MACROD2: variants seen among roughly 807,000 people sequenced by gnomAD.
MACROD2 encodes the protein mono-ADP ribosylhydrolase 2, also known as ADP-ribose glycohydrolase MACROD2.
In MACROD2, 36 loss-of-function variants were observed where a neutral mutation model predicts 70.4. The ratio of observed to expected loss-of-function variants is 0.51; its 90% CI spans 0.39 to 0.68. MACROD2 has a LOEUF of 0.68. Among genes scored for constraint, MACROD2 ranks in the 30% least tolerant of loss-of-function variants. MACROD2 has a pLI of 0.00. For synonymous variants in MACROD2, 172 were observed against 178.8 expected, an observed-to-expected ratio of 0.96 and a Z score of 0.30; for missense variants, 496 against 538.4, an observed-to-expected ratio of 0.92 and a Z score of 0.78.
intron 5 of MACROD2, among the ~76,000 whole-genome samples, chr20:14,933,130 T>C (rs2074310776): frequency 6.6e-6 from 1 of 152,166 alleles, no homozygotes; most frequent in African/African-American, 2.4e-5. Flanking sequence ...ACATCATGCT[T>C]CATGGCTTTT....
intron 8 of MACROD2, among the ~76,000 whole-genome samples, chr20:15,502,603 G>T (rs1345321969): frequency 6.6e-6 from 1 of 152,166 alleles, no homozygotes; most frequent in Non-Finnish European, 1.5e-5. Context: ...GGAAATGGCA[G>T]ACCAATTAAG....
intron 6 of MACROD2, among the ~76,000 whole-genome samples, chr20:15,417,735 G>C (rs2046175217): frequency 6.6e-6 from 1 of 151,994 alleles, no homozygotes; most frequent in Non-Finnish European, 1.5e-5. Context: ...AGACCTTCTG[G>C]ATGAGAAACT....
chr20:15,736,987 GA>G (rs1289715010), intron 8 of MACROD2, among the ~76,000 whole-genome samples: 2 of 152,192 alleles, frequency 1.3e-5, no homozygotes, highest in African/African-American at 4.8e-5. Context: ...TAAATAACCA[GA>G]GTTTTAATAA....
At chr20:15,170,847 G>A (rs527940654) in intron 5 of MACROD2, among the ~76,000 whole-genome samples, 14 of 152,344 alleles carry the variant, frequency 9.2e-5, no homozygotes, top group African/African-American at 3.1e-4. Context: ...AATACCAAGT[G>A]TTCCAGCATT....
intron 1 of MACROD2, 64 bp from the exon 2 acceptor site, chr20:14,002,224 T>G: frequency 1.9e-6 from 2 of 1,077,370 alleles, no homozygotes; most frequent in East Asian, 5.0e-5. Context: ...ATACTTAAAG[T>G]ATAAAAATAA....
intron 8 of MACROD2, among the ~76,000 whole-genome samples, chr20:15,505,482 C>A (rs2047414564): frequency 6.6e-6 from 1 of 152,100 alleles, no homozygotes; most frequent in African/African-American, 2.4e-5. Context: ...CTAGGAGGCT[C>A]TAGGTAAAGC....
At chr20:14,221,869 A>G (rs2081678033) in intron 3 of MACROD2, among the ~76,000 whole-genome samples, 1 of 152,252 alleles carries the variant, frequency 6.6e-6, no homozygotes, top group Non-Finnish European at 1.5e-5. Flanking sequence ...CAACAAGCAT[A>G]CAAAAAATAT....
At chr20:14,623,435 A>G (rs935139775) in intron 4 of MACROD2, among the ~76,000 whole-genome samples, 7 of 152,150 alleles carry the variant, frequency 4.6e-5, no homozygotes, top group Non-Finnish European at 1.0e-4. Context: ...AGAATTTAAC[A>G]CCCTGGCAAG....
intron 7 of MACROD2, among the ~76,000 whole-genome samples, chr20:15,457,501 A>G (rs1370376389): frequency 6.6e-6 from 1 of 152,122 alleles, no homozygotes; most frequent in Non-Finnish European, 1.5e-5. Flanking sequence ...AGGCAACTGG[A>G]TTTGCCTGCC....
chr20:14,530,441 T>C (rs75092199), intron 4 of MACROD2, among the ~76,000 whole-genome samples: 258 of 152,298 alleles, frequency 1.7e-3, no homozygotes, highest in Non-Finnish European at 3.3e-3. Flanking sequence ...TATTTAGCTC[T>C]CAAATGGGGT....
At chr20:14,184,687 T>C (rs369161108) in intron 3 of MACROD2, among the ~76,000 whole-genome samples, 30 of 151,868 alleles carry the variant, frequency 2.0e-4, no homozygotes, top group African/African-American at 6.7e-4. Flanking sequence ...CTATTTGTGT[T>C]CTCTTTGATT....
chr20:14,750,233 C>G, intron 5 of MACROD2, among the ~76,000 whole-genome samples: 1 of 151,930 alleles, frequency 6.6e-6, no homozygotes, highest in Non-Finnish European at 1.5e-5. Context: ...ATCATATAAA[C>G]TCATTTGAGA....
intron 6 of MACROD2, among the ~76,000 whole-genome samples, chr20:15,231,005 T>C (rs895999509): frequency 1.3e-5 from 2 of 151,970 alleles, no homozygotes; most frequent in African/African-American, 4.8e-5. Flanking sequence ...TTCACAGAGG[T>C]AGTGGTTTTA....
chr20:15,434,473 C>A (rs559222166), intron 7 of MACROD2, among the ~76,000 whole-genome samples: 5 of 152,056 alleles, frequency 3.3e-5, no homozygotes, highest in Non-Finnish European at 7.4e-5. Context: ...GATGAGATAC[C>A]ACCTTACTCC....
intron 10 of MACROD2, among the ~76,000 whole-genome samples, chr20:15,921,565 G>T (rs2065407127): frequency 6.6e-6 from 1 of 152,180 alleles, no homozygotes; most frequent in Admixed American, 6.5e-5. Flanking sequence ...AGGCTTATCA[G>T]CTCAAATGCC....
At chr20:14,792,803 G>A (rs966960208) in intron 5 of MACROD2, among the ~76,000 whole-genome samples, 1 of 152,016 alleles carries the variant, frequency 6.6e-6, no homozygotes, top group African/African-American at 2.4e-5. Flanking sequence ...GTCCTAGTCA[G>A]CAGATGGGCC....
intron 3 of MACROD2, among the ~76,000 whole-genome samples, chr20:14,185,067 GA>G (rs1303052158): frequency 6.6e-6 from 1 of 152,064 alleles, no homozygotes; most frequent in Non-Finnish European, 1.5e-5. Flanking sequence ...TAGGGTGCCT[GA>G]AACATAGTAG....
chr20:14,146,182 C>T (rs2148708547), intron 3 of MACROD2, among the ~76,000 whole-genome samples: 1 of 152,146 alleles, frequency 6.6e-6, no homozygotes, highest in East Asian at 1.9e-4. Flanking sequence ...ATTAGCCGGG[C>T]GTGGTGGCGC....
At chr20:15,387,944 T>C (rs1002808404) in intron 6 of MACROD2, among the ~76,000 whole-genome samples, 2 of 151,706 alleles carry the variant, frequency 1.3e-5, no homozygotes, top group African/African-American at 4.8e-5. Context: ...AGAGACAGGG[T>C]CTCCCTATGT....
Sources: gnomAD v4.1 joint callset for allele counts (sites outside exome capture counted in the v4.1 genomes callset) on GRCh38, gnomAD v4.1.1 for gene constraint, MANE v1.5 for transcripts, NCBI Gene and HGNC (gene_info 2026-07-23, HGNC 2026-07-21) for gene names.